FBXO32: variants seen among roughly 807,000 people sequenced by gnomAD.
The protein encoded by FBXO32 is F-box only protein 32.
A neutral mutation model predicts 48.3 loss-of-function variants in FBXO32; 15 were observed. The ratio of observed to expected loss-of-function variants is 0.31; its 90% confidence interval spans 0.21 to 0.48. The LOEUF is 0.48. Among genes scored for constraint, FBXO32 ranks in the 20% least tolerant of loss-of-function variants. The pLI is 0.99. For missense variants in FBXO32, 309 were observed against 432.7 expected (o/e 0.71, Z 2.54); for synonymous variants, 154 against 165.9 (o/e 0.93, Z 0.55).
chr8:123,520,605 T>C (rs760680993), intron 4 of FBXO32, among the ~76,000 whole-genome samples: 25 of 152,150 alleles, frequency 1.6e-4, no homozygotes, highest in Non-Finnish European at 3.4e-4. Flanking sequence ...AACCAAAGTT[T>C]GAAGTGGTGT....
In FBXO32 at chr8:123,499,331, C is replaced by G. The variant is rs1211462476; in HGVS notation, c.*4042G>C. On this transcript the variant is annotated 3_prime_UTR_variant, in exon 9 of 9. Transcript: ENST00000517956. ...TTGTTTGTTGAAGCCATCAAGGACCCAAGATATATCAAAGAACAACATCTC... is the reference window on the plus strand; with the variant it reads ...TTGTTTGTTGAAGCCATCAAGGACCGAAGATATATCAAAGAACAACATCTC... 1 of 151,906 alleles carries G rather than the reference C, an allele frequency of 6.6e-6. No homozygotes were observed. The highest frequency in any genetic ancestry group is 1.5e-5 in the Non-Finnish European group (1 of 67,996). 9.4% of individuals were successfully genotyped at this position (151,906 alleles called of 1,614,324 possible).
chr8:123,503,466 G>C lies in FBXO32; in HGVS notation c.979-4C>G. On this transcript the variant is annotated splice_polypyrimidine_tract_variant and splice_region_variant and intron_variant, in intron 8 of 8. Transcript: ENST00000517956. ...CAGTGCACGGATGGTCAGTGCCCTG[G>C]AAAGGAACACATGGTTAGCTTCAAG... 2 of 1,613,206 alleles carry C rather than the reference G, an allele frequency of 1.2e-6. No individual in the cohort carries two copies. The highest frequency in any genetic ancestry group is 1.7e-6 in the Non-Finnish European group (2 of 1,179,268).
At chr8:123,531,771 T>A (rs1817214762) in intron 4 of FBXO32, 127 bp downstream of exon 4, 6 of 1,121,962 alleles carry the variant, frequency 5.3e-6, no homozygotes, top group Non-Finnish European at 5.0e-6. Context: ...GGGTCTGTTT[T>A]CTGCTTGCCT....
Position 123,499,810 on chromosome 8 carries a change from G to T in FBXO32, c.*3563C>A, listed in dbSNP as rs569107656. The stretch of plus-strand genomic sequence containing the variant: ...AGGCTGTTAGTAGCAAGCTCCTCAT[G>T]GGAAAGGGTATGTGAATCCACAAAG... On this transcript the variant is annotated 3_prime_UTR_variant, in exon 9 of 9. Transcript: ENST00000517956. 6.6e-6 allele frequency: 1 copy of T among 152,274 alleles called. No individual in the cohort carries two copies. Among genetic ancestry groups the T allele is most frequent in the South Asian group, 2.1e-4 (1 of 4,824 alleles). The allele number at this position is 152,274 out of a possible 1,614,324, so 9.4% of individuals were successfully genotyped here.
intron 3 of FBXO32, among the ~76,000 whole-genome samples, chr8:123,532,369 TCCTGGGAGGAGAATTAGACCTA>T (rs1489778451): frequency 6.6e-6 from 1 of 152,224 alleles, no homozygotes; most frequent in Admixed American, 6.5e-5. Flanking sequence ...TGTAACGTAC[TCCTGGGAGGAGAATTAGACCTA>T]CCTGCACCAA....
At chr8:123,537,314 G>A (rs968607611) in intron 1 of FBXO32, among the ~76,000 whole-genome samples, 4 of 151,394 alleles carry the variant, frequency 2.6e-5, no homozygotes, top group Non-Finnish European at 5.9e-5. Flanking sequence ...CCAGCAAGTC[G>A]CTATTTTGTA....
At chr8:123,509,693 C>A in intron 6 of FBXO32, among the ~76,000 whole-genome samples, 1 of 151,350 alleles carries the variant, frequency 6.6e-6, no homozygotes, top group Non-Finnish European at 1.5e-5. Context: ...GGAATAAGAC[C>A]CTATCTCAAA....
At chr8:123,532,259 A>C in intron 3 of FBXO32, 1 of 1,047,914 alleles carries the variant, frequency 9.5e-7, no homozygotes, top group Non-Finnish European at 1.2e-6. Context: ...CTTGCTTATA[A>C]TTTTTCCACA....
intron 4 of FBXO32, among the ~76,000 whole-genome samples, chr8:123,523,550 A>C (rs1817006226): frequency 1.3e-5 from 2 of 152,102 alleles, no homozygotes; most frequent in Admixed American, 1.3e-4. Context: ...AGATCGCGGC[A>C]CTGCACTCCA....
intron 7 of FBXO32, 41 bp from the exon 8 acceptor site, chr8:123,504,788 G>T: frequency 6.3e-7 from 1 of 1,596,222 alleles, no homozygotes; most frequent in Non-Finnish European, 8.5e-7. Flanking sequence ...AGGAGAGTTT[G>T]TCAAGAAGAT....
chr8:123,529,701 A>G (rs1817159660), intron 4 of FBXO32, among the ~76,000 whole-genome samples: 1 of 152,214 alleles, frequency 6.6e-6, no homozygotes, highest in South Asian at 2.1e-4. Context: ...AAGTCATTTT[A>G]TCTTACTGTA....
chr8:123,503,490 A>G, intron 8 of FBXO32, 28 bp from the exon 9 acceptor site: 1 of 1,585,086 alleles, frequency 6.3e-7, no homozygotes, highest in Non-Finnish European at 8.7e-7. Flanking sequence ...GTTAGCTTCA[A>G]GTTCTCAGAG....
At position 123,503,107 on chromosome 8, in the gene FBXO32, T is replaced by C. The variant is rs1040859628; in HGVS notation, c.*266A>G. On this transcript the variant is annotated 3_prime_UTR_variant, in exon 9 of 9. Transcript: ENST00000517956. The stretch of plus-strand genomic sequence containing the variant: ...ACCGCTGAAATAGAATTATTGCCCT[T>C]ATAGTCTTGCTGGCAAATTGTTAGA... The C allele has an allele frequency of 3.3e-6, 1 of 298,858 alleles. No individual in the cohort carries two copies. The highest frequency in any genetic ancestry group is 4.8e-5 in the Admixed American group (1 of 20,922). 18.5% of individuals were successfully genotyped at this position (298,858 alleles called of 1,614,324 possible).
At chr8:123,537,597 A>T (rs1817332795) in intron 1 of FBXO32, among the ~76,000 whole-genome samples, 1 of 152,218 alleles carries the variant, frequency 6.6e-6, no homozygotes, top group Non-Finnish European at 1.5e-5. Context: ...TTGTAGTTAT[A>T]TAGCCTGATT....
rs1251670188 is a variant in FBXO32, at chr8:123,500,115, C to T, written c.*3258G>A. 1 of 152,156 alleles carries T rather than the reference C, an allele frequency of 6.6e-6. No homozygotes were observed. Among genetic ancestry groups the T allele is most frequent in the Non-Finnish European group, 1.5e-5 (1 of 68,028 alleles). 9.4% of individuals were successfully genotyped at this position (152,156 alleles called of 1,614,324 possible). The stretch of plus-strand genomic sequence containing the variant: ...AAAGTAACAGCATTGAGTGATAATG[C>T]AATCTAGTTTAAAATGCCATTGGAT... On this transcript the variant is annotated 3_prime_UTR_variant, in exon 9 of 9. Coordinates refer to ENST00000517956, the MANE Select transcript of FBXO32 (RefSeq NM_058229.4).
At position 123,513,468 on chromosome 8, in the gene FBXO32, C is replaced by T; in HGVS notation, c.467-86G>A. 8.6e-7 allele frequency: 1 copy of T among 1,169,076 alleles called. No homozygotes were observed. The highest frequency in any genetic ancestry group is 1.5e-5 in the South Asian group (1 of 68,404). The allele number at this position is 1,169,076 out of a possible 1,614,324, so 72.4% of individuals were successfully genotyped here. On this transcript the variant is annotated intron_variant, in intron 5 of 8. Transcript: ENST00000517956. The surrounding 1 kb of genome is among the most constrained non-coding windows in gnomAD (Gnocchi z 4.3). ...CATGAGCTTGTCTCTGTCTGTATTC[C>T]ACTCATGTTACCCAGGCACTGCCTC...
In FBXO32 at chr8:123,503,242, A is replaced by C. The variant is rs920656749; in HGVS notation, c.*131T>G. The C allele has an allele frequency of 7.3e-6, 5 of 689,276 alleles. No homozygotes were observed. Among genetic ancestry groups the C allele is most frequent in the Non-Finnish European group, 9.8e-6 (4 of 408,524 alleles). 42.7% of individuals were successfully genotyped at this position (689,276 alleles called of 1,614,324 possible). On this transcript the variant is annotated 3_prime_UTR_variant, in exon 9 of 9. Transcript: ENST00000517956. ...ATTTCTCCCCTCCAATGTCCTCTCCATGACTTATCTCTGAAGTTTCGAGCC... is the reference window on the plus strand; with the variant it reads ...ATTTCTCCCCTCCAATGTCCTCTCCCTGACTTATCTCTGAAGTTTCGAGCC...
intron 4 of FBXO32, among the ~76,000 whole-genome samples, chr8:123,519,849 G>A (rs556410101): frequency 1.1e-4 from 17 of 152,210 alleles, no homozygotes; most frequent in Admixed American, 3.3e-4. Flanking sequence ...GTGTAATGGC[G>A]TGATTTCGGC....
intron 1 of FBXO32, among the ~76,000 whole-genome samples, chr8:123,537,516 A>C (rs1817331120): frequency 6.6e-6 from 1 of 152,222 alleles, no homozygotes; most frequent in African/African-American, 2.4e-5. Flanking sequence ...AAAAAAAATA[A>C]AGCCCTATTT....
Sources: gnomAD v4.1 joint callset for allele counts (sites outside exome capture counted in the v4.1 genomes callset) on GRCh38, gnomAD v4.1.1 for gene constraint, Gnocchi (gnomAD v3.1) non-coding constraint, MANE v1.5 for transcripts, NCBI Gene and HGNC (gene_info 2026-07-23, HGNC 2026-07-21) for gene names.